Variants in ARHGAP44 observed in about 807,000 individuals in gnomAD.
The protein encoded by ARHGAP44 is rho GTPase-activating protein 44.
A neutral mutation model predicts 106.8 loss-of-function variants in ARHGAP44; 43 were observed. The observed-to-expected ratio is 0.40, with a 90% CI of 0.32 to 0.52. The LOEUF (loss-of-function observed/expected upper bound fraction) is 0.52, where lower values mean the gene tolerates loss of function less well. ARHGAP44 is among the 20% of genes least tolerant of loss of function. ARHGAP44 has a pLI of 0.48. For missense variants in ARHGAP44, 866 were observed against 1,050.5 expected (o/e 0.82, Z 2.43); for synonymous variants, 439 against 410.3 (o/e 1.07, Z -0.85).
chr17:12,838,271 A>G (rs925055477), intron 1 of ARHGAP44, among the ~76,000 whole-genome samples: 1 of 152,254 alleles, frequency 6.6e-6, no homozygotes, highest in Admixed American at 6.5e-5. Flanking sequence ...TAGGATACAT[A>G]TACATTTACA....
At chr17:12,908,417 G>A (rs1343829445) in intron 3 of ARHGAP44, among the ~76,000 whole-genome samples, 3 of 151,934 alleles carry the variant, frequency 2.0e-5, no homozygotes, top group South Asian at 2.1e-4. Context: ...GGTCGGTCTC[G>A]AACTCCTGAC....
At chr17:12,932,106 C>T (rs904117183) in intron 7 of ARHGAP44, among the ~76,000 whole-genome samples, 9 of 151,990 alleles carry the variant, frequency 5.9e-5, no homozygotes, top group Non-Finnish European at 1.3e-4. Flanking sequence ...CAGTTTACTT[C>T]TCTGAAAAGG....
chr17:12,925,675 T>C (rs2038210370), intron 6 of ARHGAP44, among the ~76,000 whole-genome samples: 1 of 152,158 alleles, frequency 6.6e-6, no homozygotes, highest in African/African-American at 2.4e-5. Context: ...AAGTCCTCTT[T>C]CCCCAGAGAA....
chr17:12,823,208 C>T (rs759523715), intron 1 of ARHGAP44, among the ~76,000 whole-genome samples: 53 of 152,210 alleles, frequency 3.5e-4, no homozygotes, highest in Non-Finnish European at 5.7e-4. Flanking sequence ...AAATACTTCC[C>T]GTGATGTTTC....
In ARHGAP44 at chr17:12,984,838, G is replaced by C; in HGVS notation, c.2247G>C (p.Ser749=). 6.2e-7 allele frequency: 1 copy of C among 1,613,850 alleles called. No individual in the cohort carries two copies. Among genetic ancestry groups the C allele is most frequent in the Non-Finnish European group, 8.5e-7 (1 of 1,179,880 alleles). ...PPPQPPTVNL[S]ASSPQSTEAP... is the part of the protein sequence containing the mutation. ...CTCAGCCTCCCACAGTAAACCTCTCGGCCTCTAGTCCACAGTCCACGGAGG... is the reference window on the plus strand; with the variant it reads ...CTCAGCCTCCCACAGTAAACCTCTCCGCCTCTAGTCCACAGTCCACGGAGG... The change falls in exon 20 of 21, where the codon TCG becomes TCC. Residue 749 remains serine, a synonymous_variant. Transcript: ENST00000379672.
intron 1 of ARHGAP44, among the ~76,000 whole-genome samples, chr17:12,809,589 G>C (rs541909654): frequency 6.6e-6 from 1 of 152,290 alleles, no homozygotes; most frequent in African/African-American, 2.4e-5. Context: ...CCTCCCATCA[G>C]GTTTCTCCCT....
chr17:12,882,815 G>A (rs2036779117), intron 1 of ARHGAP44, among the ~76,000 whole-genome samples: 1 of 151,820 alleles, frequency 6.6e-6, no homozygotes, highest in Non-Finnish European at 1.5e-5. Flanking sequence ...ATTTTTTTAG[G>A]ACTTCTGTGT....
chr17:12,793,656 C>T (rs2033833392), intron 1 of ARHGAP44, among the ~76,000 whole-genome samples: 1 of 151,188 alleles, frequency 6.6e-6, no homozygotes, highest in African/African-American at 2.4e-5. Context: ...TGCAGTGAGC[C>T]AAGCTTGCAC....
At chr17:12,941,710 A>G (rs746793762) in intron 8 of ARHGAP44, among the ~76,000 whole-genome samples, 2 of 152,200 alleles carry the variant, frequency 1.3e-5, no homozygotes, top group African/African-American at 2.4e-5. Flanking sequence ...CCTCTCACCA[A>G]TCAAAGTGAT....
intron 1 of ARHGAP44, among the ~76,000 whole-genome samples, chr17:12,822,353 AGATGAT>A (rs72366181): frequency 0.19 from 28,457 of 151,950 alleles, 3,436 homozygotes; most frequent in African/African-American, 0.34. Flanking sequence ...ATAAAAATCC[AGATGAT>A]GGGCAGAATT....
At chr17:12,806,719 G>A (rs1022697915) in intron 1 of ARHGAP44, among the ~76,000 whole-genome samples, 4 of 152,188 alleles carry the variant, frequency 2.6e-5, no homozygotes, top group Non-Finnish European at 5.9e-5. Flanking sequence ...TTTAGGTTTT[G>A]TCAGCCTCAA....
At chr17:12,890,311 C>A (rs1053412624) in intron 1 of ARHGAP44, among the ~76,000 whole-genome samples, 1 of 152,124 alleles carries the variant, frequency 6.6e-6, no homozygotes, top group African/African-American at 2.4e-5. Flanking sequence ...TAGTTTTGTA[C>A]CCCTGTCTCC....
intron 1 of ARHGAP44, among the ~76,000 whole-genome samples, chr17:12,865,633 C>CCCTGTCTCTACT (rs1247275635): frequency 6.6e-6 from 1 of 151,842 alleles, no homozygotes; most frequent in African/African-American, 2.4e-5. Flanking sequence ...ACTAAAAATA[C>CCCTGTCTCTACT]AAAAAATTAG....
chr17:12,822,245 C>T (rs918986147), intron 1 of ARHGAP44, among the ~76,000 whole-genome samples: 3 of 152,126 alleles, frequency 2.0e-5, no homozygotes, highest in African/African-American at 4.8e-5. Context: ...TCTAGTAGAT[C>T]GAGTTATAAT....
chr17:12,824,526 C>T (rs1334177885), intron 1 of ARHGAP44, among the ~76,000 whole-genome samples: 1 of 152,034 alleles, frequency 6.6e-6, no homozygotes, highest in African/African-American at 2.4e-5. Context: ...TTGTCACCTG[C>T]CCCATCTGAT....
chr17:12,855,607 G>T (rs2035884452), intron 1 of ARHGAP44, among the ~76,000 whole-genome samples: 2 of 151,558 alleles, frequency 1.3e-5, no homozygotes, highest in Non-Finnish European at 2.9e-5. Context: ...TATCCAAATG[G>T]ATATCCAATT....
At chr17:12,821,639 C>T (rs1470593068) in intron 1 of ARHGAP44, among the ~76,000 whole-genome samples, 1 of 152,096 alleles carries the variant, frequency 6.6e-6, no homozygotes, top group Non-Finnish European at 1.5e-5. Context: ...AAACTTTGAT[C>T]CTAAAACACC....
At position 12,987,188 on chromosome 17, in the gene ARHGAP44, AG is replaced by A. The variant is rs1291597066; in HGVS notation, c.2317+2281del. On this transcript the variant is annotated intron_variant, in intron 20 of 20. Coordinates refer to ENST00000379672, the MANE Select transcript of ARHGAP44 (RefSeq NM_014859.6). ...CCCGGCCTCGCCCCTCCACCCCGCT[AG>A]CTAGCCAGGCCAGCTGCCCGCTCCT... is the stretch of plus-strand genomic sequence containing the variant. 3 of 1,517,482 alleles carry A rather than the reference AG, an allele frequency of 2.0e-6. No individual in the cohort carries two copies. The African/African-American group carries it at 4.2e-5, about 21-fold the overall frequency. 94.0% of individuals were successfully genotyped at this position (1,517,482 alleles called of 1,614,324 possible). A position where few individuals can be genotyped will look rare whatever the true frequency, so the allele number is the denominator to read the frequency against.
At chr17:12,979,927 C>A in intron 18 of ARHGAP44, 131 bp from the exon 19 acceptor site, 1 of 1,011,928 alleles carries the variant, frequency 9.9e-7, no homozygotes, top group Non-Finnish European at 1.4e-6. Context: ...TAGGAAGGGG[C>A]CAAGACAGAC....
Sources: gnomAD v4.1 joint callset for allele counts (sites outside exome capture counted in the v4.1 genomes callset) on GRCh38, gnomAD v4.1.1 for gene constraint, MANE v1.5 for transcripts, NCBI Gene and HGNC (gene_info 2026-07-23, HGNC 2026-07-21) for gene names.